Variants in SOCS5 observed in about 807,000 individuals in gnomAD.
SOCS5 encodes suppressor of cytokine signaling 5, also known as CIS-6.
In SOCS5, 32 loss-of-function variants were observed where a neutral mutation model predicts 42.8. That is an observed-to-expected ratio of 0.75 (90% CI 0.56 to 1.01). The LOEUF is 1.01. SOCS5 is among the 50% of genes least tolerant of loss of function. The pLI is 0.00. For missense variants in SOCS5, 627 were observed against 653.0 expected (o/e 0.96, Z 0.43); for synonymous variants, 283 against 229.6 (o/e 1.23, Z -2.10).
chr2:46,760,370 C>T lies in SOCS5; in HGVS notation c.*229C>T, dbSNP rs1373304322. The T allele has an allele frequency of 1.6e-5, 7 of 446,932 alleles. No homozygotes were observed. The highest frequency in any genetic ancestry group is 1.0e-4 in the African/African-American group (5 of 49,958). 27.7% of individuals were successfully genotyped at this position (446,932 alleles called of 1,614,324 possible). A position where few individuals can be genotyped will look rare whatever the true frequency, so the allele number is the denominator to read the frequency against. On this transcript the variant is annotated 3_prime_UTR_variant, in exon 2 of 2. Coordinates refer to ENST00000394861, the MANE Select transcript of SOCS5 (RefSeq NM_144949.3). The stretch of plus-strand genomic sequence containing the variant: ...TCAGTAAGACTACAAAAACATTTTG[C>T]CTATTTCGCTAACAGTTTGGTTTTT...
At chr2:46,747,113 A>G (rs1474499318) in intron 1 of SOCS5, among the ~76,000 whole-genome samples, 1 of 152,042 alleles carries the variant, frequency 6.6e-6, no homozygotes, top group Non-Finnish European at 1.5e-5. Flanking sequence ...TTTAACGGCT[A>G]CTGATTTTTA....
At chr2:46,704,250 G>C (rs1672410137) in intron 1 of SOCS5, among the ~76,000 whole-genome samples, 1 of 152,148 alleles carries the variant, frequency 6.6e-6, no homozygotes, top group Non-Finnish European at 1.5e-5. Context: ...TTTATTTGAA[G>C]ATGACCATAA....
rs1369477061 is a variant in SOCS5, at chr2:46,723,185, C to T, written c.-13+23736C>T. On this transcript the variant is annotated intron_variant, in intron 1 of 1. Coordinates refer to ENST00000394861, the MANE Select transcript of SOCS5 (RefSeq NM_144949.3). The stretch of plus-strand genomic sequence containing the variant: ...GAAGTCCAGTTCATAATTTTTTTTT[C>T]TTTTATGGGTGGTACTTTCGGTGTC... Among the ~76,000 whole-genome samples the T allele has an allele frequency of 2.0e-5, 3 of 151,576 alleles. No homozygotes were observed. The South Asian group carries it at 6.2e-4, about 32-fold the overall frequency.
intron 1 of SOCS5, among the ~76,000 whole-genome samples, chr2:46,738,046 A>G (rs1673291967): frequency 6.6e-6 from 1 of 152,214 alleles, no homozygotes; most frequent in South Asian, 2.1e-4. Context: ...AGAGAAATCA[A>G]CAGGGAGACA....
intron 1 of SOCS5, among the ~76,000 whole-genome samples, chr2:46,712,688 G>C (rs1174169882): frequency 1.3e-5 from 2 of 152,166 alleles, no homozygotes; most frequent in Non-Finnish European, 2.9e-5. Flanking sequence ...AGACGCTTAT[G>C]TGGTATTTCT....
rs1673881073 is a variant in SOCS5, at chr2:46,761,963, A to G, written c.*1822A>G. 1 of 167,020 alleles carries G rather than the reference A, an allele frequency of 6.0e-6. No homozygotes were observed. 10.3% of individuals were successfully genotyped at this position (167,020 alleles called of 1,614,324 possible). Reference sequence around the variant, plus strand: ...AGTAAATGAGTATCTGTAACCTCCCACTGCATCAGAAGCAGGTTAAATGAA... The same window carrying G: ...AGTAAATGAGTATCTGTAACCTCCCGCTGCATCAGAAGCAGGTTAAATGAA... On this transcript the variant is annotated 3_prime_UTR_variant, in exon 2 of 2. Transcript: ENST00000394861.
chr2:46,706,191 TTC>T (rs1672459449), intron 1 of SOCS5, among the ~76,000 whole-genome samples: 1 of 152,228 alleles, frequency 6.6e-6, no homozygotes, highest in Non-Finnish European at 1.5e-5. Flanking sequence ...TTTCATTTAA[TTC>T]TCTTAGTTCA....
At chr2:46,712,525 G>C (rs765856757) in intron 1 of SOCS5, among the ~76,000 whole-genome samples, 14 of 151,918 alleles carry the variant, frequency 9.2e-5, no homozygotes, top group Admixed American at 7.9e-4. Context: ...TGTATTTTTA[G>C]TAAAGACAGG....
chr2:46,745,386 C>T (rs1406942066), intron 1 of SOCS5, among the ~76,000 whole-genome samples: 1 of 152,144 alleles, frequency 6.6e-6, no homozygotes, highest in African/African-American at 2.4e-5. Flanking sequence ...ATTTTTGTAG[C>T]TGACACTACA....
intron 1 of SOCS5, among the ~76,000 whole-genome samples, chr2:46,724,889 G>T (rs1305262632): frequency 6.6e-6 from 1 of 151,866 alleles, no homozygotes; most frequent in Non-Finnish European, 1.5e-5. Flanking sequence ...ACAGTTGGTT[G>T]ATGGTGTTCT....
chr2:46,743,208 A>G (rs1302599781), intron 1 of SOCS5, among the ~76,000 whole-genome samples: 1 of 152,142 alleles, frequency 6.6e-6, no homozygotes, highest in Admixed American at 6.5e-5. Context: ...CCCCCAAGAG[A>G]AAGTTCTTGA....
intron 1 of SOCS5, among the ~76,000 whole-genome samples, chr2:46,742,159 TTGGCCAAGTATACATC>T (rs1194114281): frequency 1.3e-5 from 2 of 152,226 alleles, no homozygotes; most frequent in African/African-American, 4.8e-5. Context: ...ATGACCTTTA[TTGGCCAAGTATACATC>T]TGATTTGTGA....
At chr2:46,718,507 T>A (rs913471873) in intron 1 of SOCS5, among the ~76,000 whole-genome samples, 1 of 152,176 alleles carries the variant, frequency 6.6e-6, no homozygotes, top group African/African-American at 2.4e-5. Flanking sequence ...AGTTTACCAG[T>A]TATATGAACA....
intron 1 of SOCS5, among the ~76,000 whole-genome samples, chr2:46,732,166 G>A (rs1673142092): frequency 6.6e-6 from 1 of 152,196 alleles, no homozygotes; most frequent in East Asian, 1.9e-4. Flanking sequence ...ATGTGTTCAT[G>A]TTGTGCCCTA....
intron 1 of SOCS5, among the ~76,000 whole-genome samples, chr2:46,723,932 T>G (rs1051520867): frequency 2.0e-5 from 3 of 152,044 alleles, no homozygotes; most frequent in Non-Finnish European, 4.4e-5. Context: ...ACATCTTTTC[T>G]TATTTCTTTC....
intron 1 of SOCS5, among the ~76,000 whole-genome samples, chr2:46,735,618 A>G (rs1673226124): frequency 6.6e-6 from 1 of 151,792 alleles, no homozygotes; most frequent in South Asian, 2.1e-4. Flanking sequence ...TGTGTTTTTC[A>G]TCTTTTTATC....
chr2:46,759,663 G>T lies in SOCS5; in HGVS notation c.1133G>T (p.Gly378Val). The T allele has an allele frequency of 6.2e-7, 1 of 1,614,062 alleles. No individual in the cohort carries two copies. The highest frequency in any genetic ancestry group is 1.7e-5 in the Admixed American group (1 of 60,004). ...GTGCCTGATTTGCTTCAAATTACAG[G>T]GAATCCCTGTTACTGGGGAGTGATG... ...CLVPDLLQIT[G>V]NPCYWGVMDR... is the part of the protein sequence containing the mutation. The change falls in exon 2 of 2, where the codon GGG becomes GTG. Residue 378 changes from glycine (G) to valine (V), a missense_variant. Physicochemically the swap from Gly to Val is moderately radical, Grantham distance 109. This residue lies in a region of SOCS5 where 340 missense variants were observed against 367.6 expected (regional missense o/e 0.92). Transcript: ENST00000394861.
intron 1 of SOCS5, among the ~76,000 whole-genome samples, chr2:46,715,378 A>G (rs1179434875): frequency 1.3e-5 from 2 of 151,906 alleles, no homozygotes; most frequent in Non-Finnish European, 2.9e-5. Context: ...TGTCAAAAAA[A>G]AAAAAAAGAA....
At chr2:46,747,996 G>A (rs1455530940) in intron 1 of SOCS5, among the ~76,000 whole-genome samples, 2 of 151,994 alleles carry the variant, frequency 1.3e-5, no homozygotes, top group Non-Finnish European at 2.9e-5. Context: ...CATGCTAATT[G>A]GTAAAACCAA....
Sources: gnomAD v4.1 joint callset for allele counts (sites outside exome capture counted in the v4.1 genomes callset) on GRCh38, gnomAD v4.1.1 for gene constraint, gnomAD v4.1.1 regional missense constraint, MANE v1.5 for transcripts, NCBI Gene and HGNC (gene_info 2026-07-23, HGNC 2026-07-21) for gene names.